The following COL5A1 variants were observed in gnomAD, a reference collection of about 807,000 sequenced individuals.
COL5A1 encodes collagen alpha-1(V) chain.
A neutral mutation model predicts 263.7 loss-of-function variants in COL5A1; 16 were observed. The ratio of observed to expected loss-of-function variants is 0.06; its 90% confidence interval spans 0.04 to 0.09. COL5A1 has a LOEUF of 0.09. Ranked by LOEUF, COL5A1 falls within the 10% of genes least tolerant of loss-of-function variation. The pLI is 1.00. For synonymous variants in COL5A1, 1,012 were observed against 1,004.5 expected (o/e 1.01, Z -0.14); for missense variants, 2,036 against 2,540.5 (o/e 0.80, Z 4.27).
intron 1 of COL5A1, among the ~76,000 whole-genome samples, chr9:134,669,136 C>T (rs1186514859): frequency 1.3e-5 from 2 of 151,330 alleles, no homozygotes; most frequent in Non-Finnish European, 2.9e-5. Flanking sequence ...CACCCATCCA[C>T]CCTCCCTTCC....
chr9:134,685,025 TCCATCCATTCATCCATCCA>T (rs1832970249), intron 1 of COL5A1, among the ~76,000 whole-genome samples: 4 of 141,744 alleles, frequency 2.8e-5, no homozygotes, highest in Non-Finnish European at 4.6e-5. Context: ...CATCCATCCA[TCCATCCATTCATCCATCCA>T]CCATCCATCC....
intron 18 of COL5A1, among the ~76,000 whole-genome samples, chr9:134,760,306 A>ATT (rs1554794485): frequency 4.2e-5 from 2 of 47,284 alleles, no homozygotes; most frequent in Non-Finnish European, 6.8e-5. Context: ...CACCCCCCAC[A>ATT]CATACACACA....
intron 58 of COL5A1, 114 bp downstream of exon 58, chr9:134,820,337 G>A (rs992366784): frequency 4.0e-5 from 31 of 782,968 alleles, no homozygotes; most frequent in African/African-American, 8.5e-5. Flanking sequence ...TCCACACGTC[G>A]GTTGAGTCCG....
Position 134,821,802 on chromosome 9 carries a change from A to G in COL5A1, c.4555-295A>G, listed in dbSNP as rs991693783. Among the ~76,000 whole-genome samples the G allele has an allele frequency of 2.6e-5, 4 of 152,208 alleles. No individual in the cohort carries two copies. Among genetic ancestry groups the G allele is most frequent in the Middle Eastern group, 3.2e-3 (1 of 316 alleles). On this transcript the variant is annotated intron_variant, in intron 58 of 65. Transcript: ENST00000371817. The surrounding 1 kb of genome is among the most constrained non-coding windows in gnomAD (Gnocchi z 4.2). Reference sequence around the variant, plus strand: ...TGTATTTCCAAATGAACGTGAAAAGAGGTGCTCAGCCTGAAGTCCTCGGTG... The same window carrying G: ...TGTATTTCCAAATGAACGTGAAAAGGGGTGCTCAGCCTGAAGTCCTCGGTG...
rs758427867 is a variant in COL5A1 at position 134,842,214 on chromosome 9, G to A, written c.5428G>A (p.Val1810Met). The A allele has an allele frequency of 1.9e-6, 3 of 1,614,110 alleles. No homozygotes were observed. Among genetic ancestry groups the A allele is most frequent in the Admixed American group, 1.7e-5 (1 of 60,014 alleles). Residue 1810 changes from valine (V) to methionine (M), a missense_variant, in exon 66 of 66, where the codon GTG (valine) becomes ATG (methionine). Val to Met is a conservative substitution (Grantham distance 21). Transcript: ENST00000371817. This position sits in a 1 kb window ranked among gnomAD's most constrained non-coding sequence, Gnocchi z 5.8. ...GATCGACACCCCCAAAGTGGAGCAG[G>A]TGCCCATCGTGGACATCATGTTCAA... ...LEIDTPKVEQ[V>M]PIVDIMFNDF... is the part of the protein sequence containing the mutation.
At chr9:134,714,066 C>T (rs1010082209) in intron 4 of COL5A1, among the ~76,000 whole-genome samples, 2 of 152,218 alleles carry the variant, frequency 1.3e-5, no homozygotes, top group African/African-American at 4.8e-5. Context: ...TCCCTTGAGA[C>T]TTACAGTCAG....
chr9:134,786,446 C>T (rs904592755), intron 31 of COL5A1, among the ~76,000 whole-genome samples: 1 of 152,206 alleles, frequency 6.6e-6, no homozygotes, highest in African/African-American at 2.4e-5. Context: ...GCACAGACAC[C>T]TGGGGTCCTT....
At position 134,716,577 on chromosome 9, in the gene COL5A1, G is replaced by A. The variant is rs1834272900; in HGVS notation, c.655-10689G>A. Among the ~76,000 whole-genome samples the A allele has an allele frequency of 6.6e-6, 1 of 152,166 alleles. No individual in the cohort carries two copies. The highest frequency in any genetic ancestry group is 2.4e-5 in the African/African-American group (1 of 41,442). On this transcript the variant is annotated intron_variant, in intron 4 of 65. Coordinates refer to ENST00000371817, the MANE Select transcript of COL5A1 (RefSeq NM_000093.5). This position sits in a 1 kb window ranked among gnomAD's most constrained non-coding sequence, Gnocchi z 4.5. ...AGGAGGTGAACCCCCACCCTTTGGAGAGAGCAAGTCTTTGAGGAGGTGGAC... is the reference window on the plus strand; with the variant it reads ...AGGAGGTGAACCCCCACCCTTTGGAAAGAGCAAGTCTTTGAGGAGGTGGAC...
In COL5A1 at chr9:134,747,989, TCA is replaced by T. The variant is rs1225584935; in HGVS notation, c.1495-2544_1495-2543del. On this transcript the variant is annotated intron_variant, in intron 11 of 65. Coordinates refer to ENST00000371817, the MANE Select transcript of COL5A1 (RefSeq NM_000093.5). ...CACATGCATTCACACACACATGCAT[TCA>T]CACACACATACACATGCATTCACAC... 4.3e-4 allele frequency among the ~76,000 whole-genome samples: 52 copies of T among 121,282 alleles called. 1 individual carries two copies. The highest frequency in any genetic ancestry group is 9.8e-4 in the East Asian group (4 of 4,076). The allele number at this position is 121,282 out of a possible 152,430, so 79.6% of individuals were successfully genotyped here.
chr9:134,653,968 GTAGGGCTGGAAGTGTA>G (rs1190493810), intron 1 of COL5A1, among the ~76,000 whole-genome samples: 76 of 147,848 alleles, frequency 5.1e-4, no homozygotes, highest in African/African-American at 1.7e-3. Context: ...CTGAGGGTGT[GTAGGGCTGGAAGTGTA>G]TAGGGCTGGT....
intron 40 of COL5A1, 41 bp downstream of exon 40, chr9:134,805,105 CA>C: frequency 6.2e-7 from 1 of 1,613,222 alleles, no homozygotes; most frequent in Non-Finnish European, 8.5e-7. Flanking sequence ...GGGACAGGTG[CA>C]GCCCTGGAGG....
At chr9:134,834,091 C>A (rs904991601) in intron 64 of COL5A1, among the ~76,000 whole-genome samples, 4 of 152,132 alleles carry the variant, frequency 2.6e-5, no homozygotes, top group Non-Finnish European at 5.9e-5. Context: ...AGGACACCTG[C>A]TGTCCAGGGC....
intron 54 of COL5A1, 104 bp downstream of exon 54, chr9:134,817,935 G>A: frequency 2.5e-6 from 3 of 1,194,274 alleles, no homozygotes; most frequent in Admixed American, 2.0e-5. Context: ...CATGGAGGCT[G>A]AGAGTGGCTG....
intron 4 of COL5A1, among the ~76,000 whole-genome samples, chr9:134,705,063 G>T (rs1447650428): frequency 1.3e-5 from 2 of 152,134 alleles, no homozygotes; most frequent in African/African-American, 4.8e-5. Flanking sequence ...GACAACTTCC[G>T]CTCATTCAAA....
At chr9:134,791,292 G>A (rs947926886) in intron 32 of COL5A1, among the ~76,000 whole-genome samples, 3 of 146,932 alleles carry the variant, frequency 2.0e-5, no homozygotes, top group Non-Finnish European at 3.1e-5. Flanking sequence ...CCAAAAGGGC[G>A]AGGCCGTGTG....
intron 36 of COL5A1, 50 bp downstream of exon 36, chr9:134,796,951 CCCACCTGTCCCCTCCAA>C: frequency 3.8e-6 from 1 of 263,248 alleles, no homozygotes; most frequent in Non-Finnish European, 4.9e-6. Context: ...CCCTCCAAAA[CCCACCTGTCCCCTCCAA>C]AACCCGCCTG....
In COL5A1 at chr9:134,727,248, G is replaced by A. The variant is rs1834696596; in HGVS notation, c.655-18G>A. 1.2e-6 allele frequency: 2 copies of A among 1,612,972 alleles called. No individual in the cohort carries two copies. Among genetic ancestry groups the A allele is most frequent in the Non-Finnish European group, 8.5e-7 (1 of 1,179,946 alleles). ...TGCTCTGTGAGCTGCTTTTTCATGA[G>A]CGTCTCTTCTTTTCCAGGGTGACAT... On this transcript the variant is annotated intron_variant, in intron 4 of 65. Coordinates refer to ENST00000371817, the MANE Select transcript of COL5A1 (RefSeq NM_000093.5).
chr9:134,699,533 A>G (rs1433727354), intron 2 of COL5A1, among the ~76,000 whole-genome samples: 1 of 151,530 alleles, frequency 6.6e-6, no homozygotes, highest in African/African-American at 2.4e-5. Context: ...GAGCGTACTA[A>G]GACACCTCAG....
chr9:134,840,677 G>A (rs1042710535), intron 65 of COL5A1, among the ~76,000 whole-genome samples: 6 of 152,134 alleles, frequency 3.9e-5, no homozygotes, highest in African/African-American at 1.2e-4. Flanking sequence ...GAAATTTGTC[G>A]CCCACAGTTC....
Sources: gnomAD v4.1 joint callset for allele counts (sites outside exome capture counted in the v4.1 genomes callset) on GRCh38, gnomAD v4.1.1 for gene constraint, Gnocchi (gnomAD v3.1) non-coding constraint, MANE v1.5 for transcripts, NCBI Gene and HGNC (gene_info 2026-07-23, HGNC 2026-07-21) for gene names.